NLRC3: variants seen among roughly 807,000 people sequenced by gnomAD.
NLRC3 encodes the protein NLR family CARD domain containing 3.
NLRC3 carries 87 observed loss-of-function variants against 91.6 expected under a neutral mutation model. That is an observed-to-expected ratio of 0.95 (90% CI 0.80 to 1.14). NLRC3 has a LOEUF of 1.14. Among genes scored for constraint, NLRC3 ranks in the 50% most tolerant of loss-of-function variants. The pLI is 0.00. For synonymous variants in NLRC3, 694 were observed against 625.3 expected, an observed-to-expected ratio of 1.11 and a Z score of -1.64; for missense variants, 1,577 against 1,418.6, an observed-to-expected ratio of 1.11 and a Z score of -1.79.
At chr16:3,543,573 C>G (rs2038524836) in intron 16 of NLRC3, 65 bp from the exon 17 acceptor site, 2 of 1,051,462 alleles carry the variant, frequency 1.9e-6, no homozygotes, top group South Asian at 2.7e-5. Flanking sequence ...ATACTCCGTT[C>G]CCTTTCACCA....
intron 10 of NLRC3, 54 bp from the exon 11 acceptor site, chr16:3,550,551 T>G: frequency 1.5e-6 from 2 of 1,332,748 alleles, no homozygotes; most frequent in Non-Finnish European, 2.2e-6. Flanking sequence ...CAGGCAGGGC[T>G]GGGCAGAGGG....
intron 1 of NLRC3, among the ~76,000 whole-genome samples, chr16:3,571,474 G>T (rs1252271835): frequency 6.6e-6 from 1 of 150,396 alleles, no homozygotes; most frequent in Non-Finnish European, 1.5e-5. Flanking sequence ...AGCTCAGGAG[G>T]CTGAGGCTGC....
chr16:3,548,842 C>T, intron 13 of NLRC3, 89 bp from the exon 14 acceptor site: 1 of 894,972 alleles, frequency 1.1e-6, no homozygotes. Flanking sequence ...GGCTTGATAC[C>T]AGATCACCCA....
intron 1 of NLRC3, among the ~76,000 whole-genome samples, chr16:3,573,000 A>G (rs1233492172): frequency 6.9e-6 from 1 of 144,464 alleles, no homozygotes; most frequent in African/African-American, 2.6e-5. Context: ...CGATAGAGCA[A>G]GACTCTATCT....
intron 8 of NLRC3, among the ~76,000 whole-genome samples, chr16:3,555,551 A>G (rs78407798): frequency 0.069 from 10,421 of 152,050 alleles, 798 homozygotes; most frequent in African/African-American, 0.18. Context: ...GCTCAATGCC[A>G]CTGAACTGTA....
Position 3,563,641 on chromosome 16 carries a change from G to A in NLRC3, c.1296C>T (p.Gly432=), listed in dbSNP as rs772605595. ...AFGVDLALLQ[G]APCSCFLQRE... is the part of the protein sequence containing the mutation. ...TCTGCAGGAAGCAGCTGCACGGGGC[G>A]CCCTGCAGCAGAGCGAGGTCTACAC... Residue 432 remains glycine (G), a synonymous_variant, in exon 5 of 20, where the codon GGC becomes GGT. Transcript: ENST00000359128. The A allele has an allele frequency of 1.3e-5, 21 of 1,613,442 alleles. No homozygotes were observed. Among genetic ancestry groups the A allele is most frequent in the East Asian group, 4.5e-5 (2 of 44,878 alleles).
intron 9 of NLRC3, among the ~76,000 whole-genome samples, chr16:3,553,518 G>A (rs1373002907): frequency 6.6e-6 from 1 of 152,116 alleles, no homozygotes; most frequent in African/African-American, 2.4e-5. Context: ...ACGGCAAATG[G>A]TGCTGCCTGG....
Position 3,541,542 on chromosome 16 carries a change from C to T in NLRC3, c.*283G>A. 4.5e-6 allele frequency: 2 copies of T among 449,402 alleles called. No homozygotes were observed. The highest frequency in any genetic ancestry group is 1.2e-3 in the Middle Eastern group (2 of 1,646). 27.8% of individuals were successfully genotyped at this position (449,402 alleles called of 1,614,324 possible). A position where few individuals can be genotyped will look rare whatever the true frequency, so the allele number is the denominator to read the frequency against. On this transcript the variant is annotated 3_prime_UTR_variant, in exon 20 of 20. Transcript: ENST00000359128. ...GTAAAGCTGGAACCAGCCTCCTGTA[C>T]TGCTCAGCTTTCAGGCCTTTGGCCC... is the stretch of plus-strand genomic sequence containing the variant.
chr16:3,577,231 T>C lies in NLRC3; in HGVS notation c.-251A>G, dbSNP rs1224616314. 4.3e-6 allele frequency: 3 copies of C among 702,398 alleles called. No homozygotes were observed. Among genetic ancestry groups the C allele is most frequent in the African/African-American group, 3.5e-5 (2 of 57,260 alleles). The allele number at this position is 702,398 out of a possible 1,614,324, so 43.5% of individuals were successfully genotyped here. A position where few individuals can be genotyped will look rare whatever the true frequency, so the allele number is the denominator to read the frequency against. ...ATCTCCATGCTCCTGGGCTCAGCCC[T>C]GCTCCAGCTGCGTGGTGGTAGATGC... On this transcript the variant is annotated 5_prime_UTR_variant, in exon 1 of 20. Transcript: ENST00000359128.
At chr16:3,554,182 G>C in intron 9 of NLRC3, 60 bp downstream of exon 9, 2 of 1,283,288 alleles carry the variant, frequency 1.6e-6, no homozygotes, top group Non-Finnish European at 2.3e-6. Flanking sequence ...TAGGCAGAGA[G>C]GCCCTTGGAG....
intron 16 of NLRC3, chr16:3,543,971 T>C (rs2151080496): frequency 7.3e-6 from 3 of 411,922 alleles, no homozygotes. Context: ...CTGGCCAATA[T>C]GGTGAAACCC....
intron 1 of NLRC3, among the ~76,000 whole-genome samples, chr16:3,569,512 C>A (rs2040022857): frequency 6.8e-6 from 1 of 146,306 alleles, no homozygotes; most frequent in Admixed American, 7.0e-5. Flanking sequence ...GATTCTCCTG[C>A]CTTAGCCTCC....
chr16:3,567,793 A>G (rs958204637), intron 1 of NLRC3, among the ~76,000 whole-genome samples: 7 of 149,930 alleles, frequency 4.7e-5, no homozygotes, highest in Non-Finnish European at 8.9e-5. Flanking sequence ...AAAAAAAAAA[A>G]GCTTGCTGTC....
rs751517423 is a variant in NLRC3 at position 3,561,787 on chromosome 16, G to GTT, written c.1929_1930insAA (p.Leu644AsnfsTer11). ...GGGTCCTGGAACTGGTTGGTGTCCAGCCTGGCCAAGGGGAGCAGTGACAGT... is the reference window on the plus strand; with the variant it reads ...GGGTCCTGGAACTGGTTGGTGTCCAGTTCCTGGCCAAGGGGAGCAGTGACAGT... On this transcript the variant is annotated frameshift_variant and splice_region_variant, in exon 6 of 20. Transcript: ENST00000359128. LOFTEE classifies it high-confidence loss of function. 1 of 1,612,624 alleles carries GTT rather than the reference G, an allele frequency of 6.2e-7. No homozygotes were observed. The highest frequency in any genetic ancestry group is 1.1e-5 in the South Asian group (1 of 91,062).
At chr16:3,541,945 A>G in intron 19 of NLRC3, 30 bp from the exon 20 acceptor site, 1 of 1,352,772 alleles carries the variant, frequency 7.4e-7, no homozygotes, top group Non-Finnish European at 1.1e-6. Context: ...GCAGGGCTCA[A>G]AGCCTGCAGG....
chr16:3,548,860 C>T (rs558218253), intron 13 of NLRC3, 107 bp from the exon 14 acceptor site: 21 of 771,524 alleles, frequency 2.7e-5, no homozygotes, highest in African/African-American at 1.7e-4. Flanking sequence ...CCAGCCAGCA[C>T]GAGGGGGTGC....
Position 3,548,160 on chromosome 16 carries a change from G to T in NLRC3, c.2746C>A (p.Leu916Ile). Reference protein sequence around the residue: ...AAQALGQALQLNRSLTSLDLQ... With the variant: ...AAQALGQALQINRSLTSLDLQ... The stretch of plus-strand genomic sequence containing the variant: ...TCTAAGCTGGTGAGGCTCCTGTTGA[G>T]CTGTAGTGCTTGTCCCAGGGCCTGG... The change falls in exon 15 of 20, where the codon CTC becomes ATC. Residue 916 changes from leucine to isoleucine, a missense_variant. Coordinates refer to ENST00000359128, the MANE Select transcript of NLRC3 (RefSeq NM_178844.4). 6.3e-7 allele frequency: 1 copy of T among 1,592,954 alleles called. No individual in the cohort carries two copies. Among genetic ancestry groups the T allele is most frequent in the Non-Finnish European group, 8.5e-7 (1 of 1,169,680 alleles).
intron 16 of NLRC3, 146 bp from the exon 17 acceptor site, chr16:3,543,654 C>G: frequency 1.6e-6 from 1 of 637,776 alleles, no homozygotes; most frequent in South Asian, 1.7e-5. Flanking sequence ...TCTAGGCACT[C>G]CATCTCCTAC....
rs936651583 is a variant in NLRC3, at chr16:3,564,441, G to C, written c.496C>G (p.Gln166Glu). ...RHFVRLWAHG[Q>E]VGKDFSLVLP... ...ACCAGCGAGAAGTCCTTGCCGACCT[G>C]CCCATGGGCCCAGAGGCGGACGAAG... Residue 166 changes from glutamine (Q) to glutamate (E), a missense_variant, in exon 5 of 20, where the codon CAG (glutamine) becomes GAG (glutamate). Physicochemically the swap from Gln to Glu is conservative, Grantham distance 29. Coordinates refer to ENST00000359128, the MANE Select transcript of NLRC3 (RefSeq NM_178844.4). This position sits in a 1 kb window ranked among gnomAD's most constrained non-coding sequence, Gnocchi z 5.9. 6.2e-7 allele frequency: 1 copy of C among 1,612,802 alleles called. No homozygotes were observed. Among genetic ancestry groups the C allele is most frequent in the Non-Finnish European group, 8.5e-7 (1 of 1,179,890 alleles).
Sources: allele counts gnomAD v4.1 joint callset (sites outside exome capture counted in the v4.1 genomes callset), GRCh38; gene constraint gnomAD v4.1.1; non-coding constraint Gnocchi (gnomAD v3.1); transcripts MANE v1.5; gene names NCBI Gene and HGNC (gene_info 2026-07-23, HGNC 2026-07-21).